Variants in TBC1D22A observed in about 807,000 individuals in gnomAD.
TBC1D22A encodes the protein TBC1 domain family member 22A.
TBC1D22A carries 38 observed loss-of-function variants against 60.2 expected under a neutral mutation model. The ratio of observed to expected loss-of-function variants is 0.63; its 90% confidence interval spans 0.49 to 0.83. The LOEUF is 0.83. Among genes scored for constraint, TBC1D22A ranks in the 40% least tolerant of loss-of-function variants. The pLI is 0.00. For missense variants in TBC1D22A, 628 were observed against 701.0 expected (o/e 0.90, Z 1.18); for synonymous variants, 302 against 281.7 (o/e 1.07, Z -0.72).
chr22:47,007,707 AG>A (rs1304909310), intron 10 of TBC1D22A, among the ~76,000 whole-genome samples: 21 of 138,788 alleles, frequency 1.5e-4, no homozygotes, highest in African/African-American at 6.1e-4. Context: ...GGTGGTGGGG[AG>A]GGGTGGCAGT....
chr22:46,841,918 A>G (rs761001597), intron 4 of TBC1D22A, among the ~76,000 whole-genome samples: 9 of 152,236 alleles, frequency 5.9e-5, no homozygotes, highest in African/African-American at 1.4e-4. Flanking sequence ...TAATTTCACA[A>G]TGTCTACGTA....
chr22:46,862,001 T>C (rs1276401862), intron 4 of TBC1D22A, among the ~76,000 whole-genome samples: 1 of 152,166 alleles, frequency 6.6e-6, no homozygotes, highest in African/African-American at 2.4e-5. Flanking sequence ...GGCCTCTGTA[T>C]GGCCTCCCTG....
intron 4 of TBC1D22A, among the ~76,000 whole-genome samples, chr22:46,852,216 A>G (rs1412406303): frequency 1.3e-5 from 2 of 152,210 alleles, no homozygotes; most frequent in Non-Finnish European, 2.9e-5. Context: ...CTCAAAGTGA[A>G]TGAGGGAAAT....
intron 12 of TBC1D22A, among the ~76,000 whole-genome samples, chr22:47,148,615 AT>A (rs1267186790): frequency 1.4e-5 from 2 of 141,776 alleles, no homozygotes; most frequent in Non-Finnish European, 3.1e-5. Flanking sequence ...TTCTCCCAGG[AT>A]TCCTCTCCTG....
In TBC1D22A at chr22:46,912,127, C is replaced by T. The variant is rs140392080; in HGVS notation, c.954C>T (p.Tyr318=). 33 of 1,613,988 alleles carry T rather than the reference C, an allele frequency of 2.0e-5. No individual in the cohort carries two copies. The East Asian group carries it at 6.5e-4, about 32-fold the overall frequency. Residue 318 remains tyrosine, a synonymous_variant, in exon 8 of 13, where the codon TAC becomes TAT. Coordinates refer to ENST00000337137, the MANE Select transcript of TBC1D22A (RefSeq NM_014346.5). ...IWAIRHPASG[Y]VQGINDLVTP... ...CGATCCGCCACCCAGCCAGTGGATA[C>T]GTTCAGGGTATAAATGATCTCGTCA...
chr22:47,033,349 ACTC>A (rs1287368164), intron 10 of TBC1D22A, among the ~76,000 whole-genome samples: 1 of 151,512 alleles, frequency 6.6e-6, no homozygotes, highest in Non-Finnish European at 1.5e-5. Flanking sequence ...TGGCTGGAAA[ACTC>A]CTCGCTATTG....
chr22:46,917,544 C>T (rs1445830023), intron 8 of TBC1D22A, among the ~76,000 whole-genome samples: 1 of 152,084 alleles, frequency 6.6e-6, no homozygotes, highest in African/African-American at 2.4e-5. Flanking sequence ...CAGGATGAGA[C>T]GTGGAGTAGA....
intron 4 of TBC1D22A, among the ~76,000 whole-genome samples, chr22:46,840,330 A>G (rs1035305715): frequency 6.6e-6 from 1 of 152,252 alleles, no homozygotes; most frequent in Non-Finnish European, 1.5e-5. Flanking sequence ...AAAAGAAGAC[A>G]TACAGATTAT....
intron 5 of TBC1D22A, among the ~76,000 whole-genome samples, chr22:46,888,392 G>T (rs1356598408): frequency 6.6e-6 from 1 of 152,214 alleles, no homozygotes; most frequent in Non-Finnish European, 1.5e-5. Context: ...CTACAGATGG[G>T]GAAACACTTT....
intron 4 of TBC1D22A, among the ~76,000 whole-genome samples, chr22:46,826,324 C>G (rs1270065271): frequency 2.6e-5 from 4 of 152,202 alleles, no homozygotes; most frequent in Non-Finnish European, 5.9e-5. Context: ...TTGTTTCTTC[C>G]AAGTTTTTCC....
At position 47,037,157 on chromosome 22, in the gene TBC1D22A, G is replaced by A; in HGVS notation, c.1288G>A (p.Val430Met). 1.9e-6 allele frequency: 3 copies of A among 1,613,918 alleles called. No individual in the cohort carries two copies. Among genetic ancestry groups the A allele is most frequent in the Non-Finnish European group, 1.7e-6 (2 of 1,179,920 alleles). Residue 430 changes from valine (V) to methionine (M), a missense_variant, in exon 11 of 13, where the codon GTG (valine) becomes ATG (methionine). Physicochemically the swap from Val to Met is conservative, Grantham distance 21. Coordinates refer to ENST00000337137, the MANE Select transcript of TBC1D22A (RefSeq NM_014346.5). ...RWMNNLLMRE[V>M]PLRCTIRLWD... Reference sequence around the variant, plus strand: ...GATGAACAACCTGCTGATGAGGGAGGTGCCCCTGCGTTGTACCATCCGCCT... The same window carrying A: ...GATGAACAACCTGCTGATGAGGGAGATGCCCCTGCGTTGTACCATCCGCCT...
chr22:46,827,651 C>T (rs572516103), intron 4 of TBC1D22A, among the ~76,000 whole-genome samples: 5 of 152,148 alleles, frequency 3.3e-5, no homozygotes, highest in African/African-American at 9.7e-5. Flanking sequence ...CTTGAGGATG[C>T]GTGTGGGCTT....
chr22:47,173,786 C>G lies in TBC1D22A; in HGVS notation c.*160C>G, dbSNP rs2068582846. ...GGTGAAGATGGGCCACAGACCTGGT[C>G]TAGGGCTGACAAAGACAGGGACAGC... On this transcript the variant is annotated 3_prime_UTR_variant, in exon 13 of 13. Coordinates refer to ENST00000337137, the MANE Select transcript of TBC1D22A (RefSeq NM_014346.5). 10 of 1,128,162 alleles carry G rather than the reference C, an allele frequency of 8.9e-6. No homozygotes were observed. In the South Asian group the frequency reaches 1.4e-4, roughly 16 times the overall value. 69.9% of individuals were successfully genotyped at this position (1,128,162 alleles called of 1,614,324 possible). A position where few individuals can be genotyped will look rare whatever the true frequency, so the allele number is the denominator to read the frequency against.
intron 8 of TBC1D22A, among the ~76,000 whole-genome samples, chr22:46,973,415 A>G (rs2148125578): frequency 6.6e-6 from 1 of 152,374 alleles, no homozygotes; most frequent in East Asian, 1.9e-4. Context: ...GCGCGTCAGC[A>G]GACCCCGGTC....
chr22:47,086,038 A>T (rs916510737), intron 11 of TBC1D22A, among the ~76,000 whole-genome samples: 1 of 152,216 alleles, frequency 6.6e-6, no homozygotes, highest in Admixed American at 6.5e-5. Flanking sequence ...CACTAGAATC[A>T]AGAATTTAGT....
At chr22:46,784,697 G>A (rs1212557805) in intron 1 of TBC1D22A, among the ~76,000 whole-genome samples, 1 of 152,228 alleles carries the variant, frequency 6.6e-6, no homozygotes, top group Non-Finnish European at 1.5e-5. Context: ...AGTAGGCCAA[G>A]AAGCATGCTG....
chr22:47,147,280 A>G (rs2067317726), intron 12 of TBC1D22A, among the ~76,000 whole-genome samples: 1 of 152,250 alleles, frequency 6.6e-6, no homozygotes, highest in South Asian at 2.1e-4. Context: ...AAGCACAGGC[A>G]ATGCCAGAGA....
chr22:47,063,245 G>T (rs970408856), intron 11 of TBC1D22A, among the ~76,000 whole-genome samples: 2 of 152,100 alleles, frequency 1.3e-5, no homozygotes, highest in African/African-American at 4.8e-5. Context: ...AAACCACCCC[G>T]GATGGCTCTG....
chr22:46,821,715 G>A (rs1602012840), intron 4 of TBC1D22A, among the ~76,000 whole-genome samples: 1 of 152,132 alleles, frequency 6.6e-6, no homozygotes, highest in East Asian at 1.9e-4. Context: ...TATGTGTCTT[G>A]CGGTTGATCT....
Sources: allele counts gnomAD v4.1 joint callset (sites outside exome capture counted in the v4.1 genomes callset), GRCh38; gene constraint gnomAD v4.1.1; transcripts MANE v1.5; gene names NCBI Gene and HGNC (gene_info 2026-07-23, HGNC 2026-07-21).